KAZN: variants seen among roughly 807,000 people sequenced by gnomAD.
The protein encoded by KAZN is kazrin.
KAZN carries 40 observed loss-of-function variants against 87.4 expected under a neutral mutation model. That is an observed-to-expected ratio of 0.46 (90% CI 0.36 to 0.60). The LOEUF (loss-of-function observed/expected upper bound fraction) is 0.60. Among genes scored for constraint, KAZN ranks in the 20% least tolerant of loss-of-function variants. The pLI, the probability that KAZN is intolerant of heterozygous loss-of-function variation, is 0.00. For synonymous variants in KAZN, 466 were observed against 458.3 expected (o/e 1.02, Z -0.22); for missense variants, 898 against 1,073.9 (o/e 0.84, Z 2.29).
intron 2 of KAZN, among the ~76,000 whole-genome samples, chr1:14,365,889 C>G (rs1489201795): frequency 6.6e-6 from 1 of 152,124 alleles, no homozygotes; most frequent in Non-Finnish European, 1.5e-5. Flanking sequence ...CCTCTTATGG[C>G]ATATTGCTAA....
At chr1:13,982,074 AT>A (rs1228080357) in intron 1 of KAZN, among the ~76,000 whole-genome samples, 3 of 152,142 alleles carry the variant, frequency 2.0e-5, no homozygotes, top group Non-Finnish European at 4.4e-5. Flanking sequence ...TTAGTACCTG[AT>A]TTATTTCCAT....
intron 1 of KAZN, among the ~76,000 whole-genome samples, chr1:14,822,910 G>C (rs2100833699): frequency 6.6e-6 from 1 of 152,306 alleles, no homozygotes; most frequent in Admixed American, 6.5e-5. Context: ...CTCTAGCCCT[G>C]GCCCGTGCCG....
intron 3 of KAZN, among the ~76,000 whole-genome samples, chr1:15,043,710 C>A (rs1394184076): frequency 7.1e-6 from 1 of 141,784 alleles, no homozygotes; most frequent in Non-Finnish European, 1.5e-5. Context: ...GTGGTGCGAT[C>A]TCGGCTCACT....
intron 13 of KAZN, among the ~76,000 whole-genome samples, chr1:15,111,019 G>T (rs1641591386): frequency 6.6e-6 from 1 of 152,184 alleles, no homozygotes; most frequent in Admixed American, 6.5e-5. Flanking sequence ...TGGACCTGGG[G>T]AATTTCGCCT....
chr1:15,008,329 T>C (rs1327486576), intron 2 of KAZN, among the ~76,000 whole-genome samples: 2 of 152,186 alleles, frequency 1.3e-5, no homozygotes, highest in African/African-American at 4.8e-5. Context: ...TGGATCCTGC[T>C]GGACTCTGCA....
chr1:14,180,045 G>T (rs553508433), intron 1 of KAZN, among the ~76,000 whole-genome samples: 8 of 152,160 alleles, frequency 5.3e-5, no homozygotes, highest in African/African-American at 1.9e-4. Flanking sequence ...TCTAGTCTAG[G>T]GCTGTCCTCT....
At chr1:14,929,175 C>T (rs951266319) in intron 1 of KAZN, among the ~76,000 whole-genome samples, 1 of 152,198 alleles carries the variant, frequency 6.6e-6, no homozygotes, top group Non-Finnish European at 1.5e-5. Flanking sequence ...GCTACCCATG[C>T]CATAAGGAAG....
At chr1:14,278,418 G>A (rs1245084005) in intron 2 of KAZN, among the ~76,000 whole-genome samples, 1 of 151,076 alleles carries the variant, frequency 6.6e-6, no homozygotes, top group Non-Finnish European at 1.5e-5. Context: ...AGCCTCCTGA[G>A]TAGCTGGATT....
At chr1:14,479,190 G>A (rs1003479345) in intron 2 of KAZN, among the ~76,000 whole-genome samples, 13 of 152,308 alleles carry the variant, frequency 8.5e-5, no homozygotes, top group Admixed American at 4.6e-4. Flanking sequence ...AATGGAAAAG[G>A]CCCTGGGACA....
At chr1:14,079,265 A>G (rs574335215) in intron 1 of KAZN, among the ~76,000 whole-genome samples, 248 of 152,384 alleles carry the variant, frequency 1.6e-3, no homozygotes, top group Non-Finnish European at 2.8e-3. Flanking sequence ...TCACGTTTAG[A>G]AAACAAAGTG....
chr1:14,900,571 G>T (rs1258481030), intron 1 of KAZN, among the ~76,000 whole-genome samples: 2 of 152,038 alleles, frequency 1.3e-5, no homozygotes, highest in Non-Finnish European at 1.5e-5. Flanking sequence ...GGTTAACACG[G>T]TGAAACTCTG....
intron 2 of KAZN, among the ~76,000 whole-genome samples, chr1:14,323,434 C>A (rs535977420): frequency 3.9e-5 from 6 of 152,076 alleles, no homozygotes; most frequent in Non-Finnish European, 7.4e-5. Flanking sequence ...ACCCTCTCCC[C>A]TTAGCAAAGT....
At chr1:15,069,568 A>G (rs984003540) in intron 8 of KAZN, among the ~76,000 whole-genome samples, 4 of 152,242 alleles carry the variant, frequency 2.6e-5, no homozygotes, top group African/African-American at 9.6e-5. Flanking sequence ...TGGAGCTTGC[A>G]GTGAGCCGAG....
intron 1 of KAZN, among the ~76,000 whole-genome samples, chr1:14,909,624 AC>A (rs1301898430): frequency 6.6e-6 from 1 of 151,878 alleles, no homozygotes; most frequent in Non-Finnish European, 1.5e-5. Flanking sequence ...TCTGCAGTGC[AC>A]CCCAGAGTGC....
intron 1 of KAZN, among the ~76,000 whole-genome samples, chr1:13,895,502 A>G (rs1057017164): frequency 6.6e-6 from 1 of 152,116 alleles, no homozygotes; most frequent in African/African-American, 2.4e-5. Flanking sequence ...GCAACATGGA[A>G]TAATAATGAC....
intron 2 of KAZN, among the ~76,000 whole-genome samples, chr1:14,561,215 C>T (rs1167023621): frequency 1.3e-5 from 2 of 152,208 alleles, no homozygotes; most frequent in Non-Finnish European, 2.9e-5. Context: ...TGAATCAGCT[C>T]ATGGCTGAAT....
chr1:14,191,580 C>G (rs903102359), intron 2 of KAZN, among the ~76,000 whole-genome samples: 1 of 152,108 alleles, frequency 6.6e-6, no homozygotes, highest in Admixed American at 6.5e-5. Context: ...AGGAACACGT[C>G]TGGGAGTCAT....
At chr1:14,310,058 G>A (rs985430434) in intron 2 of KAZN, among the ~76,000 whole-genome samples, 14 of 152,104 alleles carry the variant, frequency 9.2e-5, no homozygotes, top group Admixed American at 2.0e-4. Context: ...CATTGGATGG[G>A]GTTGGAGCAA....
intron 2 of KAZN, among the ~76,000 whole-genome samples, chr1:14,322,274 A>AG (rs1656098276): frequency 6.6e-6 from 1 of 150,576 alleles, no homozygotes; most frequent in African/African-American, 2.5e-5. Flanking sequence ...AAATAAATAA[A>AG]TAAAGTAAGT....
Sources: gnomAD v4.1 joint callset for allele counts (sites outside exome capture counted in the v4.1 genomes callset) on GRCh38, gnomAD v4.1.1 for gene constraint, MANE v1.5 for transcripts, NCBI Gene and HGNC (gene_info 2026-07-23, HGNC 2026-07-21) for gene names.